TMEM236: variants seen among roughly 807,000 people sequenced by gnomAD.
TMEM236 encodes the protein transmembrane protein 236, also known as family with sequence similarity 23, member A.
In TMEM236, 11 loss-of-function variants were observed where a neutral mutation model predicts 14.7. That is an observed-to-expected ratio of 0.75 (90% CI 0.47 to 1.24). TMEM236 has a LOEUF of 1.24. Ranked by LOEUF, TMEM236 falls within the 50% of genes most tolerant of loss-of-function variation. TMEM236 has a pLI of 0.00. For synonymous variants in TMEM236, 182 were observed against 168.6 expected (o/e 1.08, Z -0.62); for missense variants, 464 against 427.3 (o/e 1.09, Z -0.76).
chr10:17,772,842 C>G (rs919293233), intron 2 of TMEM236, among the ~76,000 whole-genome samples: 4 of 152,144 alleles, frequency 2.6e-5, no homozygotes, highest in Admixed American at 1.3e-4. Flanking sequence ...TTCAATGACT[C>G]CCTTTCCCTC....
At chr10:17,765,326 G>T (rs1837445330) in intron 1 of TMEM236, among the ~76,000 whole-genome samples, 1 of 152,074 alleles carries the variant, frequency 6.6e-6, no homozygotes, top group Admixed American at 6.6e-5. Context: ...CAAAATTCAT[G>T]TTCTTTTGGT....
chr10:17,763,813 C>T (rs1837415683), intron 1 of TMEM236, among the ~76,000 whole-genome samples: 2 of 152,034 alleles, frequency 1.3e-5, no homozygotes, highest in Non-Finnish European at 2.9e-5. Flanking sequence ...TGGTTAGGGG[C>T]GTGAGTTTTG....
At chr10:17,776,372 C>G (rs932437109) in intron 3 of TMEM236, among the ~76,000 whole-genome samples, 1 of 152,056 alleles carries the variant, frequency 6.6e-6, no homozygotes, top group Non-Finnish European at 1.5e-5. Context: ...GTTTGCTATT[C>G]GCATTTTAGT....
chr10:17,780,237 C>G (rs1837725014), intron 3 of TMEM236, among the ~76,000 whole-genome samples: 1 of 152,098 alleles, frequency 6.6e-6, no homozygotes, highest in Non-Finnish European at 1.5e-5. Context: ...CTCATAGATC[C>G]TCAAATCAGG....
At position 17,783,948 on chromosome 10, in the gene TMEM236, C is replaced by CTT. The variant is rs1229256462; in HGVS notation, c.472+7786_472+7787dup. Among the ~76,000 whole-genome samples, 36 of 150,754 alleles carry CTT rather than the reference C, an allele frequency of 2.4e-4. 1 individual carries two copies. The South Asian group carries it at 7.0e-3, about 29-fold the overall frequency. On this transcript the variant is annotated intron_variant, in intron 3 of 3. Coordinates refer to ENST00000377495, the MANE Select transcript of TMEM236 (RefSeq NM_001098844.3). ...TTCTTTTATTTTCTTCTTCTACTTC[C>CTT]TTTTTTTTTCCTGCTGATTCATGAG...
At chr10:17,760,284 A>G (rs969685490) in intron 1 of TMEM236, among the ~76,000 whole-genome samples, 1 of 150,436 alleles carries the variant, frequency 6.6e-6, no homozygotes, top group East Asian at 1.9e-4. Context: ...TTTATTGACT[A>G]TTTGTATTTT....
chr10:17,791,037 A>C (rs1837916300), intron 3 of TMEM236, among the ~76,000 whole-genome samples: 2 of 152,224 alleles, frequency 1.3e-5, no homozygotes, highest in South Asian at 4.1e-4. Flanking sequence ...TGCCACAGAC[A>C]GTGTGGTACA....
At chr10:17,760,202 A>G (rs1837340311) in intron 1 of TMEM236, among the ~76,000 whole-genome samples, 1 of 152,128 alleles carries the variant, frequency 6.6e-6, no homozygotes, top group African/African-American at 2.4e-5. Flanking sequence ...GCTGCTTACC[A>G]GTTACTTCTC....
At chr10:17,784,568 A>C (rs1342179488) in intron 3 of TMEM236, among the ~76,000 whole-genome samples, 1 of 152,182 alleles carries the variant, frequency 6.6e-6, no homozygotes, top group Non-Finnish European at 1.5e-5. Flanking sequence ...CAACTATGGA[A>C]ATTTAAAAGT....
Position 17,798,664 on chromosome 10 carries a change from AC to A in TMEM236, c.*2161del. 1.9e-6 allele frequency: 1 copy of A among 534,516 alleles called. No individual in the cohort carries two copies. Among genetic ancestry groups the A allele is most frequent in the Non-Finnish European group, 3.8e-6 (1 of 259,922 alleles). 33.1% of individuals were successfully genotyped at this position (534,516 alleles called of 1,614,324 possible). On this transcript the variant is annotated 3_prime_UTR_variant, in exon 4 of 4. Transcript: ENST00000377495. The stretch of plus-strand genomic sequence containing the variant: ...TCACACTGTAAAAGAAGATTTACTC[AC>A]AGTTGTTAAAAGCTTGCCTTCCAGC...
At chr10:17,787,255 G>T (rs941311569) in intron 3 of TMEM236, among the ~76,000 whole-genome samples, 2 of 152,204 alleles carry the variant, frequency 1.3e-5, no homozygotes, top group African/African-American at 4.8e-5. Context: ...GCCAGACAGC[G>T]CTGGCACCCT....
At chr10:17,763,483 G>C (rs1043357302) in intron 1 of TMEM236, among the ~76,000 whole-genome samples, 7 of 152,116 alleles carry the variant, frequency 4.6e-5, no homozygotes, top group Non-Finnish European at 1.0e-4. Flanking sequence ...TGTCCTATTT[G>C]ATTCATCCTT....
chr10:17,761,353 T>A (rs34794144), intron 1 of TMEM236, among the ~76,000 whole-genome samples: 1 of 151,924 alleles, frequency 6.6e-6, no homozygotes, highest in East Asian at 1.9e-4. Flanking sequence ...TTCTCCCCCC[T>A]GCATTCCCTC....
intron 1 of TMEM236, among the ~76,000 whole-genome samples, chr10:17,767,571 A>G (rs1245564534): frequency 6.6e-6 from 1 of 152,220 alleles, no homozygotes; most frequent in Non-Finnish European, 1.5e-5. Flanking sequence ...TTATTTATTA[A>G]TGAGTCCCTT....
At chr10:17,758,658 G>T (rs1837315666) in intron 1 of TMEM236, among the ~76,000 whole-genome samples, 1 of 152,288 alleles carries the variant, frequency 6.6e-6, no homozygotes, top group African/African-American at 2.4e-5. Context: ...ACCTCAAACT[G>T]AATTTACTAT....
intron 1 of TMEM236, among the ~76,000 whole-genome samples, chr10:17,770,152 C>A (rs908435895): frequency 6.6e-6 from 1 of 152,032 alleles, no homozygotes; most frequent in East Asian, 1.9e-4. Flanking sequence ...CATGTTGCTG[C>A]GAAGGACATG....
At chr10:17,755,928 C>G (rs35509850) in intron 1 of TMEM236, among the ~76,000 whole-genome samples, 1 of 152,126 alleles carries the variant, frequency 6.6e-6, no homozygotes, top group African/African-American at 2.4e-5. Context: ...TTATAGATCA[C>G]TGATTATGTG....
At chr10:17,779,554 G>GT (rs1837714615) in intron 3 of TMEM236, among the ~76,000 whole-genome samples, 8 of 152,216 alleles carry the variant, frequency 5.3e-5, no homozygotes, top group African/African-American at 1.9e-4. Context: ...GGGAATACAG[G>GT]AGGGCACCAC....
At chr10:17,791,051 G>T (rs1432320901) in intron 3 of TMEM236, among the ~76,000 whole-genome samples, 3 of 152,322 alleles carry the variant, frequency 2.0e-5, no homozygotes, top group East Asian at 1.9e-4. Flanking sequence ...TGGTACAACA[G>T]TTAAGGGTTT....
Sources: allele counts gnomAD v4.1 joint callset (sites outside exome capture counted in the v4.1 genomes callset), GRCh38; gene constraint gnomAD v4.1.1; transcripts MANE v1.5; gene names NCBI Gene and HGNC (gene_info 2026-07-23, HGNC 2026-07-21).